The following CALCR variants were observed in gnomAD, a reference collection of about 807,000 sequenced individuals.
The protein encoded by CALCR is calcitonin receptor.
Under a neutral mutation model 59.5 loss-of-function variants are expected in CALCR, and 47 were observed. That is an observed-to-expected ratio of 0.79 (90% CI 0.63 to 1.01). The LOEUF (loss-of-function observed/expected upper bound fraction) is 1.01, where lower values mean the gene tolerates loss of function less well. CALCR is among the 50% of genes least tolerant of loss of function. The probability of loss-of-function intolerance (pLI) is 0.00; values close to 1 mark genes in which losing one functional copy is unlikely to be tolerated. For synonymous variants in CALCR, 213 were observed against 211.3 expected (o/e 1.01, Z -0.07); for missense variants, 566 against 597.1 (o/e 0.95, Z 0.54).
chr7:93,553,211 T>C (rs1367269007), intron 2 of CALCR, among the ~76,000 whole-genome samples: 3 of 152,216 alleles, frequency 2.0e-5, no homozygotes, highest in African/African-American at 7.2e-5. Context: ...TGTCATTCTG[T>C]GGAAGACAGT....
intron 2 of CALCR, among the ~76,000 whole-genome samples, chr7:93,543,516 A>C (rs368203801): frequency 2.2e-4 from 34 of 152,266 alleles, no homozygotes; most frequent in Middle Eastern, 3.4e-3. Flanking sequence ...ACAAGCATGG[A>C]AAGTAAGGCT....
At chr7:93,559,797 T>C (rs1789703602) in intron 2 of CALCR, 1 of 152,114 alleles carries the variant, frequency 6.6e-6, no homozygotes, top group Non-Finnish European at 1.5e-5. Flanking sequence ...CTGGTATTCC[T>C]GTCTCTTATA....
At chr7:93,444,418 AATAACCAT>A (rs1328553648) in intron 8 of CALCR, among the ~76,000 whole-genome samples, 7 of 152,100 alleles carry the variant, frequency 4.6e-5, no homozygotes, top group African/African-American at 1.7e-4. Flanking sequence ...TCTGTATAGA[AATAACCAT>A]TGCTTGTACT....
chr7:93,497,526 C>T (rs1034974441), intron 2 of CALCR, among the ~76,000 whole-genome samples: 2 of 151,498 alleles, frequency 1.3e-5, no homozygotes, highest in East Asian at 1.9e-4. Context: ...GGTTAGTTTC[C>T]AGTCATGAAG....
intron 2 of CALCR, among the ~76,000 whole-genome samples, chr7:93,489,719 G>A (rs977140846): frequency 6.6e-6 from 1 of 151,698 alleles, no homozygotes; most frequent in Admixed American, 6.6e-5. Flanking sequence ...GAAGAAGTTG[G>A]AGCCCTGAAT....
chr7:93,553,335 T>A (rs1469018748), intron 2 of CALCR, among the ~76,000 whole-genome samples: 1 of 152,250 alleles, frequency 6.6e-6, no homozygotes, highest in East Asian at 1.9e-4. Flanking sequence ...TGGGAGATCC[T>A]GAGGAGGTAC....
chr7:93,434,755 G>T (rs1169984552), intron 12 of CALCR, among the ~76,000 whole-genome samples: 1 of 152,110 alleles, frequency 6.6e-6, no homozygotes. Context: ...CAAGTTCATC[G>T]CTCAGATAAG....
At chr7:93,558,349 C>G (rs1584631264) in intron 2 of CALCR, among the ~76,000 whole-genome samples, 1 of 151,980 alleles carries the variant, frequency 6.6e-6, no homozygotes, top group Admixed American at 6.6e-5. Context: ...TCTTTGTATA[C>G]CATGGTTTGA....
At chr7:93,532,249 T>C (rs1223555255) in intron 2 of CALCR, among the ~76,000 whole-genome samples, 3 of 152,066 alleles carry the variant, frequency 2.0e-5, no homozygotes, top group African/African-American at 7.2e-5. Context: ...GTGCAACCTC[T>C]ATAATAAAAA....
At chr7:93,473,741 A>T (rs1800607307) in intron 5 of CALCR, among the ~76,000 whole-genome samples, 1 of 151,730 alleles carries the variant, frequency 6.6e-6, no homozygotes, top group African/African-American at 2.4e-5. Context: ...GGAAAAGGAT[A>T]AGAAGATTTT....
intron 2 of CALCR, among the ~76,000 whole-genome samples, chr7:93,562,885 A>G (rs1263350563): frequency 6.6e-6 from 1 of 152,202 alleles, no homozygotes; most frequent in Non-Finnish European, 1.5e-5. Flanking sequence ...GGAGCAATGA[A>G]AGGGAAAAAG....
chr7:93,544,519 C>A (rs756426872), intron 2 of CALCR, among the ~76,000 whole-genome samples: 2 of 152,026 alleles, frequency 1.3e-5, no homozygotes, highest in African/African-American at 2.4e-5. Flanking sequence ...TTTTTAATAA[C>A]ATCTATTATA....
chr7:93,429,617 A>T (rs1350492909), intron 13 of CALCR, among the ~76,000 whole-genome samples: 4 of 152,170 alleles, frequency 2.6e-5, no homozygotes, highest in African/African-American at 4.8e-5. Flanking sequence ...ATTTGTACAA[A>T]ACAAAATAAG....
chr7:93,535,788 T>A (rs1788969569), intron 2 of CALCR, among the ~76,000 whole-genome samples: 1 of 151,762 alleles, frequency 6.6e-6, no homozygotes, highest in African/African-American at 2.4e-5. Context: ...GAGATGGTGA[T>A]GACTTCTGTG....
At chr7:93,462,524 T>C (rs1279871203) in intron 7 of CALCR, among the ~76,000 whole-genome samples, 20 of 152,162 alleles carry the variant, frequency 1.3e-4, no homozygotes, top group Admixed American at 1.3e-3. Context: ...CACAGTTGAA[T>C]CTGTGACCTG....
intron 2 of CALCR, among the ~76,000 whole-genome samples, chr7:93,508,932 T>C (rs1253830006): frequency 1.3e-5 from 2 of 152,152 alleles, no homozygotes; most frequent in Non-Finnish European, 2.9e-5. Flanking sequence ...TAGCGCTGTG[T>C]TAAAAATTGA....
At chr7:93,431,938 G>T (rs1374415741) in intron 13 of CALCR, among the ~76,000 whole-genome samples, 1 of 152,042 alleles carries the variant, frequency 6.6e-6, no homozygotes, top group Non-Finnish European at 1.5e-5. Flanking sequence ...GGTCTCTTAG[G>T]TACCTAATAA....
intron 2 of CALCR, among the ~76,000 whole-genome samples, chr7:93,524,239 A>C (rs952247386): frequency 2.1e-5 from 3 of 146,290 alleles, no homozygotes; most frequent in African/African-American, 5.1e-5. Flanking sequence ...GCATGATCTC[A>C]GCTCACTGCA....
intron 8 of CALCR, among the ~76,000 whole-genome samples, chr7:93,445,463 T>C (rs143821440): frequency 1.8e-4 from 27 of 152,216 alleles, no homozygotes; most frequent in African/African-American, 6.5e-4. Context: ...GATGGTCTTA[T>C]GCCTTTGTCA....
Sources: gnomAD v4.1 joint callset for allele counts (sites outside exome capture counted in the v4.1 genomes callset) on GRCh38, gnomAD v4.1.1 for gene constraint, MANE v1.5 for transcripts, NCBI Gene and HGNC (gene_info 2026-07-23, HGNC 2026-07-21) for gene names.